The following SLC7A14 variants were observed in gnomAD, a reference collection of about 807,000 sequenced individuals.
The protein encoded by SLC7A14 is solute carrier family 7 member 14, also known as gamma-aminobutyric acid transporter SLC7A14.
In SLC7A14, 37 loss-of-function variants were observed where a neutral mutation model predicts 60.2. That is an observed-to-expected ratio of 0.61 (90% CI 0.47 to 0.81). The LOEUF (loss-of-function observed/expected upper bound fraction) is 0.81. Ranked by LOEUF, SLC7A14 falls within the 30% of genes least tolerant of loss-of-function variation. The pLI is 0.00. For synonymous variants in SLC7A14, 399 were observed against 395.8 expected, an observed-to-expected ratio of 1.01 and a Z score of -0.10; for missense variants, 886 against 982.7, an observed-to-expected ratio of 0.90 and a Z score of 1.32.
chr3:170,480,283 G>T lies in SLC7A14; in HGVS notation c.1993+6C>A. Reference sequence around the variant, plus strand: ...AACTCTTAAGGCTCCAAAGGAAGTTGCTTACCCACAAAGCACCAGACCGCA... The same window carrying T: ...AACTCTTAAGGCTCCAAAGGAAGTTTCTTACCCACAAAGCACCAGACCGCA... On this transcript the variant is annotated splice_donor_region_variant and intron_variant, in intron 7 of 7. Coordinates refer to ENST00000231706, the MANE Select transcript of SLC7A14 (RefSeq NM_020949.3). 1 of 1,520,958 alleles carries T rather than the reference G, an allele frequency of 6.6e-7. No individual in the cohort carries two copies. The allele number at this position is 1,520,958 out of a possible 1,614,324, so 94.2% of individuals were successfully genotyped here. A position where few individuals can be genotyped will look rare whatever the true frequency, so the allele number is the denominator to read the frequency against.
chr3:170,466,971 G>C lies in SLC7A14; in HGVS notation c.*84C>G. 1 of 1,204,330 alleles carries C rather than the reference G, an allele frequency of 8.3e-7. No homozygotes were observed. Among genetic ancestry groups the C allele is most frequent in the Non-Finnish European group, 1.2e-6 (1 of 859,150 alleles). 74.6% of individuals were successfully genotyped at this position (1,204,330 alleles called of 1,614,324 possible). ...GGAAGGCTGGATTTGTGAAATGAGA[G>C]CCAAAAAAGTTTTCACCTTCTAGCC... On this transcript the variant is annotated 3_prime_UTR_variant, in exon 8 of 8. Coordinates refer to ENST00000231706, the MANE Select transcript of SLC7A14 (RefSeq NM_020949.3).
intron 1 of SLC7A14, among the ~76,000 whole-genome samples, chr3:170,560,635 T>C (rs1010110767): frequency 1.7e-4 from 26 of 152,192 alleles, no homozygotes; most frequent in African/African-American, 6.0e-4. Context: ...TGCCTCTCTA[T>C]AGATCCCCTC....
At chr3:170,540,209 T>A (rs1251950317) in intron 1 of SLC7A14, among the ~76,000 whole-genome samples, 2 of 152,202 alleles carry the variant, frequency 1.3e-5, no homozygotes, top group Non-Finnish European at 2.9e-5. Flanking sequence ...GAATTTTCCA[T>A]TTCATATTTT....
chr3:170,526,561 A>T, intron 2 of SLC7A14, 72 bp downstream of exon 2: 1 of 1,542,202 alleles, frequency 6.5e-7, no homozygotes, highest in East Asian at 2.3e-5. Context: ...AATACTCCGG[A>T]GAAAGGGGAT....
chr3:170,482,475 G>A (rs1461015962), intron 6 of SLC7A14, among the ~76,000 whole-genome samples: 1 of 152,228 alleles, frequency 6.6e-6, no homozygotes, highest in South Asian at 2.1e-4. Flanking sequence ...ACACCTGAGA[G>A]CTCCTTGGCC....
intron 1 of SLC7A14, among the ~76,000 whole-genome samples, chr3:170,557,729 C>T (rs1577561029): frequency 6.6e-6 from 1 of 152,002 alleles, no homozygotes; most frequent in Admixed American, 6.6e-5. Flanking sequence ...AGTATCTTCC[C>T]CAAAAGTATT....
chr3:170,471,088 GGGGT>G (rs1281216461), intron 7 of SLC7A14, among the ~76,000 whole-genome samples: 1 of 103,504 alleles, frequency 9.7e-6, no homozygotes, highest in Non-Finnish European at 1.8e-5. Context: ...TGTCTGGGAA[GGGGT>G]GTGTGTGTGT....
chr3:170,494,738 T>C (rs1180574856), intron 4 of SLC7A14, among the ~76,000 whole-genome samples: 1 of 152,238 alleles, frequency 6.6e-6, no homozygotes, highest in Non-Finnish European at 1.5e-5. Flanking sequence ...TCATAAACAA[T>C]GCATATGCAG....
intron 1 of SLC7A14, among the ~76,000 whole-genome samples, chr3:170,584,722 G>A (rs1164972328): frequency 6.6e-6 from 1 of 152,192 alleles, no homozygotes; most frequent in Non-Finnish European, 1.5e-5. Context: ...ACCGCGGACA[G>A]CGCCATTCCC....
chr3:170,512,366 T>A (rs928072741), intron 2 of SLC7A14, among the ~76,000 whole-genome samples: 4 of 152,126 alleles, frequency 2.6e-5, no homozygotes, highest in African/African-American at 9.7e-5. Context: ...GCACCCATTC[T>A]CTCTGGGGGG....
intron 1 of SLC7A14, among the ~76,000 whole-genome samples, chr3:170,581,148 C>G (rs1715223395): frequency 6.6e-6 from 1 of 152,150 alleles, no homozygotes; most frequent in Non-Finnish European, 1.5e-5. Context: ...ATAATTCAGT[C>G]AAGTTAATGA....
At chr3:170,513,741 T>A (rs1233293646) in intron 2 of SLC7A14, among the ~76,000 whole-genome samples, 1 of 152,162 alleles carries the variant, frequency 6.6e-6, no homozygotes, top group Non-Finnish European at 1.5e-5. Context: ...AAATAAAGGA[T>A]CCATTCTCTT....
chr3:170,513,945 G>A (rs956632708), intron 2 of SLC7A14, among the ~76,000 whole-genome samples: 1 of 152,104 alleles, frequency 6.6e-6, no homozygotes, highest in African/African-American at 2.4e-5. Context: ...TCTTCCTTTG[G>A]TTTCACTCCC....
At position 170,461,525 on chromosome 3, in the gene SLC7A14, A is replaced by G. The variant is rs1479645719; in HGVS notation, c.*5530T>C. 1 of 152,242 alleles carries G rather than the reference A, an allele frequency of 6.6e-6. No individual in the cohort carries two copies. The highest frequency in any genetic ancestry group is 1.5e-5 in the Non-Finnish European group (1 of 68,036). 9.4% of individuals were successfully genotyped at this position (152,242 alleles called of 1,614,324 possible). Reference sequence around the variant, plus strand: ...CTCTTAGAGAAAATAAAAGTAGGACATAGGACCAACCATTATGTACATGAA... The same window carrying G: ...CTCTTAGAGAAAATAAAAGTAGGACGTAGGACCAACCATTATGTACATGAA... On this transcript the variant is annotated 3_prime_UTR_variant, in exon 8 of 8. Coordinates refer to ENST00000231706, the MANE Select transcript of SLC7A14 (RefSeq NM_020949.3).
intron 1 of SLC7A14, among the ~76,000 whole-genome samples, chr3:170,584,255 A>G (rs906180318): frequency 6.6e-6 from 1 of 152,232 alleles, no homozygotes; most frequent in African/African-American, 2.4e-5. Flanking sequence ...ATCTTTATCT[A>G]GAGCATGTAA....
rs561521362 is a variant in SLC7A14 at position 170,501,161 on chromosome 3, G to T, written c.489C>A (p.Asn163Lys). 2.7e-5 allele frequency: 43 copies of T among 1,614,230 alleles called. No homozygotes were observed. In the South Asian group the frequency reaches 4.7e-4, roughly 18 times the overall value. Reference sequence around the variant, plus strand: ...CCGCCATCCAGCGGCTGATGGTGTGGTTGGCTAGTGAGTCAAACATGCTGC... The same window carrying T: ...CCGCCATCCAGCGGCTGATGGTGTGTTTGGCTAGTGAGTCAAACATGCTGC... ...ALSSMFDSLA[N>K]HTISRWMADS... The change falls in exon 3 of 8, where the codon AAC (asparagine) becomes AAA (lysine). Residue 163 changes from asparagine to lysine, a missense_variant. Physicochemically the swap from Asn to Lys is moderately conservative, Grantham distance 94. Coordinates refer to ENST00000231706, the MANE Select transcript of SLC7A14 (RefSeq NM_020949.3).
chr3:170,537,592 C>G (rs917379334), intron 1 of SLC7A14, among the ~76,000 whole-genome samples: 15 of 152,190 alleles, frequency 9.9e-5, no homozygotes, highest in African/African-American at 3.4e-4. Flanking sequence ...CCTGAAAACA[C>G]TCGGCTGAGC....
intron 1 of SLC7A14, among the ~76,000 whole-genome samples, chr3:170,575,910 A>G (rs1715077830): frequency 2.0e-5 from 3 of 152,184 alleles, no homozygotes; most frequent in Admixed American, 1.3e-4. Flanking sequence ...GGCTGAATAA[A>G]TACATCCACC....
chr3:170,540,687 C>T (rs565871989), intron 1 of SLC7A14, among the ~76,000 whole-genome samples: 71 of 152,240 alleles, frequency 4.7e-4, no homozygotes, highest in African/African-American at 1.7e-3. Context: ...CATGTCTTTC[C>T]GTTAGGAAAT....
Sources: gnomAD v4.1 joint callset for allele counts (sites outside exome capture counted in the v4.1 genomes callset) on GRCh38, gnomAD v4.1.1 for gene constraint, MANE v1.5 for transcripts, NCBI Gene and HGNC (gene_info 2026-07-23, HGNC 2026-07-21) for gene names.